Variants in DNASE1L3 observed in about 807,000 individuals in gnomAD.
DNASE1L3 encodes deoxyribonuclease 1L3, also known as deoxyribonuclease gamma.
Under a neutral mutation model 30.9 loss-of-function variants are expected in DNASE1L3, and 27 were observed. The observed-to-expected ratio is 0.87, with a 90% CI of 0.64 to 1.20. DNASE1L3 has a LOEUF of 1.20. DNASE1L3 is among the 50% of genes most tolerant of loss of function. DNASE1L3 has a pLI of 0.00. For synonymous variants in DNASE1L3, 135 were observed against 138.0 expected, an observed-to-expected ratio of 0.98 and a Z score of 0.15; for missense variants, 364 against 378.2, an observed-to-expected ratio of 0.96 and a Z score of 0.31.
intron 6 of DNASE1L3, among the ~76,000 whole-genome samples, chr3:58,196,930 A>AC (rs1485120516): frequency 6.6e-6 from 1 of 152,240 alleles, no homozygotes; most frequent in Non-Finnish European, 1.5e-5. Flanking sequence ...TCTCATTTTT[A>AC]GGGTTGCTTC....
Position 58,204,847 on chromosome 3 carries a change from A to G in DNASE1L3, c.355T>C (p.Tyr119His), listed in dbSNP as rs762504966. 8 of 1,614,104 alleles carry G rather than the reference A, an allele frequency of 5.0e-6. No homozygotes were observed. In the African/African-American group the frequency reaches 8.0e-5, roughly 16 times the overall value. Reference protein sequence around the residue: ...KLVSVKRSYHYHDYQDGDADV... With the variant: ...KLVSVKRSYHHHDYQDGDADV... ...GCGTCTCCATCCTGATAGTCATGGT[A>G]GTGATAACTCCTCTTCACAGACACC... The change falls in exon 4 of 8, where the codon TAC (tyrosine) becomes CAC (histidine). Residue 119 changes from tyrosine to histidine, a missense_variant. Coordinates refer to ENST00000394549, the MANE Select transcript of DNASE1L3 (RefSeq NM_004944.4).
intron 6 of DNASE1L3, among the ~76,000 whole-genome samples, chr3:58,194,699 C>T (rs2097396164): frequency 6.7e-6 from 1 of 148,334 alleles, no homozygotes; most frequent in Non-Finnish European, 1.5e-5. Flanking sequence ...AATCTCGGCT[C>T]ACTGCAAGCT....
intron 4 of DNASE1L3, among the ~76,000 whole-genome samples, chr3:58,204,276 G>T (rs2097402534): frequency 6.6e-6 from 1 of 152,020 alleles, no homozygotes; most frequent in Admixed American, 6.5e-5. Context: ...GAGTAGCTGG[G>T]ATTACAGGTG....
intron 3 of DNASE1L3, 148 bp from the exon 4 acceptor site, chr3:58,205,029 A>G: frequency 1.5e-6 from 1 of 685,468 alleles, no homozygotes; most frequent in Non-Finnish European, 2.4e-6. Flanking sequence ...GGCTAAGTCA[A>G]CTCTTCTCAA....
intron 4 of DNASE1L3, among the ~76,000 whole-genome samples, chr3:58,203,193 C>A (rs181831340): frequency 6.6e-6 from 1 of 152,294 alleles, no homozygotes; most frequent in Admixed American, 6.5e-5. Flanking sequence ...AGAACTCAGC[C>A]CAGCAGGCTG....
intron 6 of DNASE1L3, among the ~76,000 whole-genome samples, chr3:58,196,286 T>C (rs1278472785): frequency 6.6e-6 from 1 of 151,756 alleles, no homozygotes; most frequent in Non-Finnish European, 1.5e-5. Flanking sequence ...GGCTCACGCC[T>C]GTAATCCCAG....
intron 6 of DNASE1L3, among the ~76,000 whole-genome samples, chr3:58,195,064 G>A (rs888001524): frequency 1.3e-5 from 2 of 152,200 alleles, no homozygotes; most frequent in Non-Finnish European, 2.9e-5. Flanking sequence ...TTCTAGGGAT[G>A]TGCAGGACCA....
intron 2 of DNASE1L3, 93 bp from the exon 3 acceptor site, chr3:58,205,653 A>T (rs535141167): frequency 9.6e-7 from 1 of 1,044,902 alleles, no homozygotes; most frequent in African/African-American, 1.6e-5. Flanking sequence ...CATACGCCCA[A>T]TGGCATCATG....
In DNASE1L3 at chr3:58,200,545, C is replaced by T. The variant is rs1367018743; in HGVS notation, c.546+452G>A. Among the ~76,000 whole-genome samples, 2 of 152,158 alleles carry T rather than the reference C, an allele frequency of 1.3e-5. No individual in the cohort carries two copies. Among genetic ancestry groups the T allele is most frequent in the East Asian group, 3.8e-4 (2 of 5,202 alleles). ...TCCTGGACATTTCAGTTACACAAAC[C>T]AATCAATTGCTCCTTTTTTTCATGA... is the stretch of plus-strand genomic sequence containing the variant. On this transcript the variant is annotated intron_variant, in intron 5 of 7. Coordinates refer to ENST00000394549, the MANE Select transcript of DNASE1L3 (RefSeq NM_004944.4). The surrounding 1 kb of genome is among the most constrained non-coding windows in gnomAD (Gnocchi z 4.2).
chr3:58,205,288 C>G (rs2097403185), intron 3 of DNASE1L3, among the ~76,000 whole-genome samples, 183 bp downstream of exon 3: 1 of 152,172 alleles, frequency 6.6e-6, no homozygotes. Context: ...TTTGGAGACC[C>G]CTTGTGTTTT....
intron 6 of DNASE1L3, among the ~76,000 whole-genome samples, chr3:58,195,172 T>C (rs1324622327): frequency 1.3e-5 from 2 of 152,266 alleles, no homozygotes; most frequent in African/African-American, 2.4e-5. Context: ...AGGTGTTTGA[T>C]AAATATGTGA....
intron 1 of DNASE1L3, among the ~76,000 whole-genome samples, chr3:58,208,981 T>C (rs2097405813): frequency 6.6e-6 from 1 of 152,308 alleles, no homozygotes; most frequent in East Asian, 1.9e-4. Flanking sequence ...GGCTTACGCC[T>C]GTAATACCAG....
intron 6 of DNASE1L3, among the ~76,000 whole-genome samples, chr3:58,196,530 G>A (rs2097397512): frequency 6.8e-6 from 1 of 146,512 alleles, no homozygotes; most frequent in African/African-American, 2.6e-5. Context: ...TCCAGCCTGG[G>A]CAACAGAGCG....
chr3:58,202,198 T>C (rs1333948539), intron 4 of DNASE1L3, among the ~76,000 whole-genome samples: 1 of 150,736 alleles, frequency 6.6e-6, no homozygotes, highest in Non-Finnish European at 1.5e-5. Flanking sequence ...CAGGCTGGAG[T>C]GCAATGGCAC....
intron 5 of DNASE1L3, among the ~76,000 whole-genome samples, chr3:58,199,562 C>T (rs56238841): frequency 0.18 from 27,538 of 151,802 alleles, 2,695 homozygotes; most frequent in Middle Eastern, 0.23. Context: ...CCCAGCTACT[C>T]GGGAGGCAGG....
At chr3:58,194,545 C>T (rs1211284514) in intron 6 of DNASE1L3, among the ~76,000 whole-genome samples, 1 of 150,074 alleles carries the variant, frequency 6.7e-6, no homozygotes, top group Non-Finnish European at 1.5e-5. Context: ...GTCTTGAACT[C>T]GTGACCTTAG....
At chr3:58,195,040 C>G (rs138187234) in intron 6 of DNASE1L3, among the ~76,000 whole-genome samples, 54 of 152,320 alleles carry the variant, frequency 3.5e-4, no homozygotes, top group African/African-American at 1.1e-3. Context: ...AAAGGCTCTT[C>G]CATTTCTGAC....
In DNASE1L3 at chr3:58,200,293, C is replaced by G. The variant is rs1385811154; in HGVS notation, c.546+704G>C. ...GATTGGTTCAGGGATGGACACCTGA[C>G]CCAGTCAGAGCCAATGAGACTCAGT... On this transcript the variant is annotated intron_variant, in intron 5 of 7. Coordinates refer to ENST00000394549, the MANE Select transcript of DNASE1L3 (RefSeq NM_004944.4). The surrounding 1 kb of genome is among the most constrained non-coding windows in gnomAD (Gnocchi z 4.2). 1.3e-5 allele frequency among the ~76,000 whole-genome samples: 2 copies of G among 152,182 alleles called. No individual in the cohort carries two copies. Among genetic ancestry groups the G allele is most frequent in the Non-Finnish European group, 2.9e-5 (2 of 68,038 alleles).
At chr3:58,198,645 T>A (rs1358001223) in intron 5 of DNASE1L3, among the ~76,000 whole-genome samples, 3 of 152,176 alleles carry the variant, frequency 2.0e-5, no homozygotes, top group African/African-American at 7.2e-5. Flanking sequence ...TAATTCAGCA[T>A]GCAGAGTCAG....
Sources: gnomAD v4.1 joint callset for allele counts (sites outside exome capture counted in the v4.1 genomes callset) on GRCh38, gnomAD v4.1.1 for gene constraint, Gnocchi (gnomAD v3.1) non-coding constraint, MANE v1.5 for transcripts, NCBI Gene and HGNC (gene_info 2026-07-23, HGNC 2026-07-21) for gene names.